Variants in CATSPERE observed in about 807,000 individuals in gnomAD.
CATSPERE encodes catsper channel auxiliary subunit epsilon, also known as cation channel sperm-associated auxiliary subunit epsilon.
A neutral mutation model predicts 114.1 loss-of-function variants in CATSPERE; 93 were observed. The observed-to-expected ratio is 0.81, with a 90% CI of 0.69 to 0.97. The LOEUF (loss-of-function observed/expected upper bound fraction) is 0.97. Among genes scored for constraint, CATSPERE ranks in the 50% least tolerant of loss-of-function variants. The pLI, the probability that CATSPERE is intolerant of heterozygous loss-of-function variation, is 0.00. For missense variants in CATSPERE, 1,058 were observed against 1,131.6 expected, an observed-to-expected ratio of 0.93 and a Z score of 0.93; for synonymous variants, 341 against 384.1, an observed-to-expected ratio of 0.89 and a Z score of 1.31.
intron 7 of CATSPERE, among the ~76,000 whole-genome samples, chr1:244,500,635 G>T (rs1305281614): frequency 6.6e-6 from 1 of 152,130 alleles, no homozygotes; most frequent in South Asian, 2.1e-4. Context: ...TGTCAGGTTT[G>T]TCGAAGATCA....
At position 244,573,303 on chromosome 1, in the gene CATSPERE, C is replaced by T. The variant is rs1207210980; in HGVS notation, c.1950+531C>T. ...GCGGGTGCCTGTAGTCCCAGCTACT[C>T]GGGAGGCTGAGGCAGGAGAATGGTG... On this transcript the variant is annotated intron_variant, in intron 11 of 21. Transcript: ENST00000366534. This position sits in a 1 kb window ranked among gnomAD's most constrained non-coding sequence, Gnocchi z 4.0. Among the ~76,000 whole-genome samples, 1 of 151,764 alleles carries T rather than the reference C, an allele frequency of 6.6e-6. No individual in the cohort carries two copies. Among genetic ancestry groups the T allele is most frequent in the Admixed American group, 6.6e-5 (1 of 15,216 alleles).
chr1:244,451,578 A>G, upstream of CATSPERE: 1 of 1,529,654 alleles, frequency 6.5e-7, no homozygotes, highest in East Asian at 2.4e-5. The surrounding 1 kb of genome is among the most constrained non-coding windows in gnomAD (Gnocchi z 6.6). Context: ...GGGCACCAGG[A>G]GCCAGGCAGC....
intron 20 of CATSPERE, among the ~76,000 whole-genome samples, chr1:244,626,926 A>C (rs1264614472): frequency 6.6e-6 from 1 of 152,180 alleles, no homozygotes; most frequent in Non-Finnish European, 1.5e-5. Flanking sequence ...ATTTTCCTTC[A>C]AAAACTTTGC....
chr1:244,508,523 A>C (rs542044303), intron 7 of CATSPERE, among the ~76,000 whole-genome samples: 10 of 151,670 alleles, frequency 6.6e-5, no homozygotes, highest in African/African-American at 2.2e-4. Context: ...GGATGGTCTC[A>C]ATACCCTGAC....
intron 10 of CATSPERE, among the ~76,000 whole-genome samples, chr1:244,569,638 A>C (rs534954054): frequency 4.7e-4 from 71 of 152,302 alleles, no homozygotes; most frequent in African/African-American, 1.7e-3. Flanking sequence ...TAAAGATATT[A>C]TATATTTTCA....
At chr1:244,601,695 G>A (rs979386549) in intron 17 of CATSPERE, among the ~76,000 whole-genome samples, 1 of 152,118 alleles carries the variant, frequency 6.6e-6, no homozygotes, top group Non-Finnish European at 1.5e-5. Flanking sequence ...GGCTCCACCT[G>A]TAATCCCAGC....
chr1:244,600,563 C>T (rs1028685387), intron 17 of CATSPERE, among the ~76,000 whole-genome samples: 1 of 152,108 alleles, frequency 6.6e-6, no homozygotes, highest in African/African-American at 2.4e-5. Flanking sequence ...ACAGAAAGTG[C>T]CATATGAAAA....
intron 1 of CATSPERE, among the ~76,000 whole-genome samples, chr1:244,461,767 C>T (rs929496247): frequency 5.9e-5 from 9 of 152,192 alleles, no homozygotes; most frequent in Non-Finnish European, 1.0e-4. Flanking sequence ...GTCCTCAGAA[C>T]ATCTGAGCCC....
At chr1:244,479,631 C>T in intron 4 of CATSPERE, 86 bp from the exon 5 acceptor site, 1 of 695,962 alleles carries the variant, frequency 1.4e-6, no homozygotes, top group East Asian at 2.8e-5. Context: ...AAGTAACTTA[C>T]TTCCTCTGTG....
intron 6 of CATSPERE, among the ~76,000 whole-genome samples, chr1:244,497,270 A>G (rs891368032): frequency 2.0e-5 from 3 of 152,206 alleles, no homozygotes; most frequent in African/African-American, 7.2e-5. Context: ...GACAGATAAC[A>G]TGGCCAAAAA....
chr1:244,556,270 A>G (rs1234347031), intron 9 of CATSPERE, among the ~76,000 whole-genome samples: 2 of 152,160 alleles, frequency 1.3e-5, no homozygotes, highest in Non-Finnish European at 2.9e-5. Context: ...AAATTTATAC[A>G]AGATAGAGTA....
intron 17 of CATSPERE, among the ~76,000 whole-genome samples, chr1:244,603,865 G>A (rs991459687): frequency 6.6e-6 from 1 of 152,032 alleles, no homozygotes; most frequent in African/African-American, 2.4e-5. Context: ...AAAATTTACT[G>A]GGTGTGGTGG....
chr1:244,571,955 A>G (rs1664533045), intron 10 of CATSPERE, among the ~76,000 whole-genome samples: 1 of 152,160 alleles, frequency 6.6e-6, no homozygotes, highest in Non-Finnish European at 1.5e-5. Context: ...ATACAGTCTC[A>G]TTGGACGTTA....
rs185378757 is a variant in CATSPERE at position 244,595,794 on chromosome 1, G to A, written c.2303+2216G>A. On this transcript the variant is annotated intron_variant, in intron 17 of 21. Coordinates refer to ENST00000366534, the MANE Select transcript of CATSPERE (RefSeq NM_001130957.2). ...AAAATACAAAAAAAATTAGCCGGGC[G>A]TGGTGGCGGGCACCTGTAGTCCCAG... Among the ~76,000 whole-genome samples the A allele has an allele frequency of 5.1e-3, 777 of 152,252 alleles. 7 individuals carry two copies. The highest frequency in any genetic ancestry group is 0.018 in the African/African-American group (750 of 41,552).
chr1:244,629,696 A>G (rs1251593779), intron 20 of CATSPERE, among the ~76,000 whole-genome samples: 1 of 150,758 alleles, frequency 6.6e-6, no homozygotes, highest in Admixed American at 6.6e-5. Context: ...CTGGAGTACA[A>G]TGGCATGATC....
intron 7 of CATSPERE, among the ~76,000 whole-genome samples, chr1:244,510,835 CTTTTTTTTTT>C (rs747921082): frequency 4.1e-5 from 2 of 48,342 alleles, no homozygotes; most frequent in Non-Finnish European, 8.0e-5. Flanking sequence ...TTTTCTTTTT[CTTTTTTTTTT>C]TTTTTTTTTT....
intron 8 of CATSPERE, among the ~76,000 whole-genome samples, chr1:244,535,932 T>C (rs1680316690): frequency 6.6e-6 from 1 of 152,006 alleles, no homozygotes; most frequent in African/African-American, 2.4e-5. Context: ...TGGTGTGTAC[T>C]GCTTAGCTAC....
chr1:244,519,145 G>A (rs1394271620), intron 8 of CATSPERE, among the ~76,000 whole-genome samples: 1 of 152,040 alleles, frequency 6.6e-6, no homozygotes, highest in Non-Finnish European at 1.5e-5. Flanking sequence ...CTAGACACAG[G>A]GCAAGGTGCT....
intron 11 of CATSPERE, among the ~76,000 whole-genome samples, chr1:244,580,414 A>G (rs1052793155): frequency 2.0e-5 from 3 of 152,140 alleles, no homozygotes; most frequent in African/African-American, 7.2e-5. Context: ...CACCTTGCTT[A>G]TATAATGCAG....
Sources: gnomAD v4.1 joint callset for allele counts (sites outside exome capture counted in the v4.1 genomes callset) on GRCh38, gnomAD v4.1.1 for gene constraint, Gnocchi (gnomAD v3.1) non-coding constraint, MANE v1.5 for transcripts, NCBI Gene and HGNC (gene_info 2026-07-23, HGNC 2026-07-21) for gene names.